ERMP1: variants seen among roughly 807,000 people sequenced by gnomAD.
ERMP1 encodes Felix-ina.
In ERMP1, 86 loss-of-function variants were observed where a neutral mutation model predicts 92.0. The observed-to-expected ratio is 0.93, with a 90% confidence interval of 0.79 to 1.12. The LOEUF is 1.12. Ranked by LOEUF, ERMP1 falls within the 50% of genes most tolerant of loss-of-function variation. The pLI is 0.00. For missense variants in ERMP1, 1,342 were observed against 1,116.3 expected, an observed-to-expected ratio of 1.20 and a Z score of -2.88; for synonymous variants, 530 against 412.8, an observed-to-expected ratio of 1.28 and a Z score of -3.44.
chr9:5,787,041 A>C lies in ERMP1; in HGVS notation c.*103T>G. On this transcript the variant is annotated 3_prime_UTR_variant, in exon 15 of 15. Coordinates refer to ENST00000339450, the MANE Select transcript of ERMP1 (RefSeq NM_024896.3). The stretch of plus-strand genomic sequence containing the variant: ...CAGAAAGCTCTTTGAACATATGATC[A>C]TTAAAATTCATTGACTTACGTTACA... 8.4e-7 allele frequency: 1 copy of C among 1,190,116 alleles called. No individual in the cohort carries two copies. Among genetic ancestry groups the C allele is most frequent in the Non-Finnish European group, 1.2e-6 (1 of 850,090 alleles). The allele number at this position is 1,190,116 out of a possible 1,614,324, so 73.7% of individuals were successfully genotyped here.
At chr9:5,861,721 T>TTTG (rs1830501984) in intron 5 of ERMP1, among the ~76,000 whole-genome samples, 1 of 141,334 alleles carries the variant, frequency 7.1e-6, no homozygotes, top group African/African-American at 2.6e-5. Context: ...GGAAGGGTTT[T>TTTG]TTTTTTTTTT....
At chr9:5,815,375 C>T (rs1563762680) in intron 4 of ERMP1, among the ~76,000 whole-genome samples, 4 of 151,762 alleles carry the variant, frequency 2.6e-5, no homozygotes, top group Admixed American at 6.6e-5. Context: ...GTCAAAGGGG[C>T]TCAGGCACTG....
At chr9:5,805,845 A>T in intron 8 of ERMP1, 60 bp from the exon 9 acceptor site, 1 of 1,303,724 alleles carries the variant, frequency 7.7e-7, no homozygotes, top group East Asian at 2.6e-5. Context: ...AAGAGCTTTT[A>T]TTATAGTAAC....
intron 7 of ERMP1, 115 bp downstream of exon 7, chr9:5,810,996 A>C: frequency 3.1e-6 from 2 of 654,074 alleles, no homozygotes; most frequent in Non-Finnish European, 5.2e-6. Context: ...AATATAAAGC[A>C]AACATTGTCT....
chr9:5,788,086 GAACTTCCAAGGA>G (rs1477922613), intron 13 of ERMP1, among the ~76,000 whole-genome samples: 5 of 152,256 alleles, frequency 3.3e-5, no homozygotes, highest in Non-Finnish European at 7.4e-5. Flanking sequence ...TCATCACTGG[GAACTTCCAAGGA>G]AACTGATGAC....
chr9:5,790,690 T>C (rs570034785), intron 13 of ERMP1, among the ~76,000 whole-genome samples: 2 of 152,236 alleles, frequency 1.3e-5, no homozygotes, highest in Non-Finnish European at 2.9e-5. Context: ...TTTTTAATAC[T>C]GAAAGTCACA....
chr9:5,794,905 G>T (rs1423737307), intron 13 of ERMP1, among the ~76,000 whole-genome samples: 1 of 152,160 alleles, frequency 6.6e-6, no homozygotes, highest in Non-Finnish European at 1.5e-5. Flanking sequence ...CATCCTATGA[G>T]TCCAGCATTA....
At chr9:5,831,890 G>A (rs545039087) in intron 1 of ERMP1, among the ~76,000 whole-genome samples, 2 of 152,132 alleles carry the variant, frequency 1.3e-5, no homozygotes, top group African/African-American at 4.8e-5. Context: ...TCCAAGTGGG[G>A]AAAGCTGGAA....
intron 8 of ERMP1, among the ~76,000 whole-genome samples, chr9:5,807,544 G>A (rs143598257): frequency 0.04 from 6,135 of 152,136 alleles, 246 homozygotes; most frequent in South Asian, 0.2. Flanking sequence ...TCAGGAGTTG[G>A]AGACCAGCCT....
At chr9:5,792,177 G>C (rs1366867052) in intron 13 of ERMP1, among the ~76,000 whole-genome samples, 1 of 152,134 alleles carries the variant, frequency 6.6e-6, no homozygotes, top group Non-Finnish European at 1.5e-5. Context: ...TATACACAAA[G>C]TCCAGACTAC....
intron 10 of ERMP1, among the ~76,000 whole-genome samples, chr9:5,804,421 G>A (rs1006372002): frequency 3.3e-5 from 5 of 152,106 alleles, no homozygotes; most frequent in African/African-American, 1.2e-4. Context: ...GCAAACACAG[G>A]ACTCTCCTTA....
chr9:5,862,637 G>C (rs927584237), intron 5 of ERMP1, among the ~76,000 whole-genome samples: 3 of 152,194 alleles, frequency 2.0e-5, no homozygotes, highest in Non-Finnish European at 4.4e-5. Flanking sequence ...ATGAGCCACT[G>C]TGTCAGGCTA....
At chr9:5,816,903 T>C (rs1829330705) in intron 4 of ERMP1, among the ~76,000 whole-genome samples, 1 of 151,308 alleles carries the variant, frequency 6.6e-6, no homozygotes, top group Non-Finnish European at 1.5e-5. Context: ...CTATGCTTTT[T>C]TTTTTTTTTT....
chr9:5,800,571 G>T (rs1285824225), intron 11 of ERMP1, among the ~76,000 whole-genome samples: 1 of 152,146 alleles, frequency 6.6e-6, no homozygotes, highest in Non-Finnish European at 1.5e-5. Flanking sequence ...AGCTACTTGG[G>T]AGTCTGAGGC....
chr9:5,866,652 T>C (rs149106648), intron 5 of ERMP1, among the ~76,000 whole-genome samples: 2 of 152,252 alleles, frequency 1.3e-5, no homozygotes, highest in Non-Finnish European at 1.5e-5. Flanking sequence ...GTAATCAAAT[T>C]TGAACAGAAG....
chr9:5,832,389 G>C, intron 1 of ERMP1: 1 of 373,698 alleles, frequency 2.7e-6, no homozygotes, highest in Non-Finnish European at 4.8e-6. Flanking sequence ...TCCAGAATAT[G>C]GGGAGACGAC....
intron 6 of ERMP1, among the ~76,000 whole-genome samples, chr9:5,841,390 C>T (rs1830161122): frequency 6.6e-6 from 1 of 152,180 alleles, no homozygotes; most frequent in South Asian, 2.1e-4. Flanking sequence ...TTAAAATATC[C>T]AGAATAGGTA....
intron 6 of ERMP1, among the ~76,000 whole-genome samples, chr9:5,848,320 T>C (rs1228376462): frequency 2.0e-5 from 3 of 151,814 alleles, no homozygotes; most frequent in Non-Finnish European, 2.9e-5. Flanking sequence ...GAGGTCGGAG[T>C]GGCCACGAGA....
chr9:5,818,224 G>T (rs1468921013), intron 4 of ERMP1, among the ~76,000 whole-genome samples: 1 of 152,004 alleles, frequency 6.6e-6, no homozygotes, highest in Non-Finnish European at 1.5e-5. Flanking sequence ...GAATTCTGCA[G>T]TAGAGGGTCA....
Sources: gnomAD v4.1 joint callset for allele counts (sites outside exome capture counted in the v4.1 genomes callset) on GRCh38, gnomAD v4.1.1 for gene constraint, MANE v1.5 for transcripts, NCBI Gene and HGNC (gene_info 2026-07-23, HGNC 2026-07-21) for gene names.